The following ALCAM variants were observed in gnomAD, a reference collection of about 807,000 sequenced individuals.
ALCAM encodes the protein activated leukocyte cell adhesion molecule, also known as CD166 antigen.
A neutral mutation model predicts 70.9 loss-of-function variants in ALCAM; 30 were observed. That is an observed-to-expected ratio of 0.42 (90% CI 0.32 to 0.57). The LOEUF (loss-of-function observed/expected upper bound fraction) is 0.57, where lower values mean the gene tolerates loss of function less well. Among genes scored for constraint, ALCAM ranks in the 20% least tolerant of loss-of-function variants. The probability of loss-of-function intolerance (pLI) is 0.11; values close to 1 mark genes in which losing one functional copy is unlikely to be tolerated. For missense variants in ALCAM, 591 were observed against 695.1 expected (o/e 0.85, Z 1.68); for synonymous variants, 249 against 242.5 (o/e 1.03, Z -0.25).
chr3:105,445,545 G>T (rs1434610800), intron 1 of ALCAM, among the ~76,000 whole-genome samples: 2 of 152,000 alleles, frequency 1.3e-5, no homozygotes, highest in Non-Finnish European at 2.9e-5. Context: ...AAAAAGAACA[G>T]ATCTGGAGGC....
Position 105,545,320 on chromosome 3 carries a change from T to C in ALCAM, c.1089T>C (p.Thr363=). The C allele has an allele frequency of 6.2e-7, 1 of 1,607,148 alleles. No individual in the cohort carries two copies. The highest frequency in any genetic ancestry group is 8.5e-7 in the Non-Finnish European group (1 of 1,174,720). Residue 363 remains threonine, a synonymous_variant, in exon 9 of 16, where the codon ACT becomes ACC. Transcript: ENST00000306107. The part of the protein sequence containing the change: ...SCTISASRNA[T]VVWMKDNIRL... ...CAATATCTGCTAGCAGGAATGCAACTGTGGTATGGATGAAAGTAAGTAATA... is the reference window on the plus strand; with the variant it reads ...CAATATCTGCTAGCAGGAATGCAACCGTGGTATGGATGAAAGTAAGTAATA...
chr3:105,367,301 C>A lies in ALCAM; in HGVS notation c.-108C>A. ...GGGACGGTGTGTCTGGGAGAAGACG[C>A]TGCCCCTGCGTCGGGACCCGCCAGC... On this transcript the variant is annotated 5_prime_UTR_variant, in exon 1 of 16. In the 5' UTR this introduces an upstream ATG that the reference lacks. Coordinates refer to ENST00000306107, the MANE Select transcript of ALCAM (RefSeq NM_001627.4). 2.8e-6 allele frequency: 3 copies of A among 1,072,994 alleles called. No individual in the cohort carries two copies. Among genetic ancestry groups the A allele is most frequent in the Non-Finnish European group, 4.2e-6 (3 of 720,260 alleles). The allele number at this position is 1,072,994 out of a possible 1,614,324, so 66.5% of individuals were successfully genotyped here.
chr3:105,491,176 T>C (rs1938575326), intron 1 of ALCAM, among the ~76,000 whole-genome samples: 1 of 152,212 alleles, frequency 6.6e-6, no homozygotes, highest in Non-Finnish European at 1.5e-5. Flanking sequence ...GAGCTGTACC[T>C]TGGCTCCCTT....
At chr3:105,464,394 A>G (rs921989254) in intron 1 of ALCAM, among the ~76,000 whole-genome samples, 1 of 151,268 alleles carries the variant, frequency 6.6e-6, no homozygotes, top group Non-Finnish European at 1.5e-5. Flanking sequence ...CTATTTAACA[A>G]AGACGTACAG....
intron 1 of ALCAM, among the ~76,000 whole-genome samples, chr3:105,463,459 G>A (rs1937632985): frequency 6.6e-6 from 1 of 151,462 alleles, no homozygotes; most frequent in Non-Finnish European, 1.5e-5. Context: ...CATAACTTTA[G>A]AGACAGAATT....
intron 1 of ALCAM, among the ~76,000 whole-genome samples, chr3:105,407,991 A>C (rs1199619765): frequency 6.6e-6 from 1 of 152,126 alleles, no homozygotes; most frequent in Non-Finnish European, 1.5e-5. Context: ...ATGCTTAAGA[A>C]TATACCTAAC....
At chr3:105,397,410 A>G (rs1325165661) in intron 1 of ALCAM, among the ~76,000 whole-genome samples, 1 of 152,058 alleles carries the variant, frequency 6.6e-6, no homozygotes, top group Non-Finnish European at 1.5e-5. Flanking sequence ...TGTTATGTTG[A>G]ATAACAAAAA....
chr3:105,396,916 C>T (rs1445542589), intron 1 of ALCAM, among the ~76,000 whole-genome samples: 1 of 152,034 alleles, frequency 6.6e-6, no homozygotes, highest in African/African-American at 2.4e-5. Context: ...AAAGTGTTAA[C>T]TATCTGTGGA....
intron 1 of ALCAM, among the ~76,000 whole-genome samples, chr3:105,518,752 A>T (rs764845616): frequency 6.6e-6 from 1 of 152,096 alleles, no homozygotes; most frequent in Non-Finnish European, 1.5e-5. Flanking sequence ...ATGAAAATGC[A>T]TTCTCACTTT....
chr3:105,473,464 T>C (rs11713535), intron 1 of ALCAM, among the ~76,000 whole-genome samples: 15,473 of 151,584 alleles, frequency 0.1, 994 homozygotes, highest in Middle Eastern at 0.17. Flanking sequence ...ACTATAACTC[T>C]CTTGTCCTTT....
intron 1 of ALCAM, among the ~76,000 whole-genome samples, chr3:105,402,213 T>C (rs968937769): frequency 1.3e-5 from 2 of 152,334 alleles, no homozygotes; most frequent in South Asian, 2.1e-4. Context: ...CAAATCTAGA[T>C]ACTTTGTCAT....
At chr3:105,475,661 T>C (rs941499944) in intron 1 of ALCAM, among the ~76,000 whole-genome samples, 1 of 151,992 alleles carries the variant, frequency 6.6e-6, no homozygotes, top group Non-Finnish European at 1.5e-5. Flanking sequence ...AAACATTTGA[T>C]TATTTGAATA....
chr3:105,455,366 C>T (rs547433657), intron 1 of ALCAM, among the ~76,000 whole-genome samples: 3 of 150,118 alleles, frequency 2.0e-5, no homozygotes, highest in South Asian at 2.1e-4. Flanking sequence ...GGTGTGAACC[C>T]GGGAGGCGGA....
At chr3:105,396,219 C>T (rs1470886299) in intron 1 of ALCAM, among the ~76,000 whole-genome samples, 1 of 151,946 alleles carries the variant, frequency 6.6e-6, no homozygotes, top group Non-Finnish European at 1.5e-5. Context: ...TTCAACAATT[C>T]AAGGATGTGG....
chr3:105,490,481 G>A (rs995503482), intron 1 of ALCAM, among the ~76,000 whole-genome samples: 1 of 152,146 alleles, frequency 6.6e-6, no homozygotes, highest in African/African-American at 2.4e-5. Flanking sequence ...TGTGTTCTAT[G>A]AGTCTTTATT....
intron 2 of ALCAM, 142 bp from the exon 3 acceptor site, chr3:105,524,147 G>T: frequency 2.8e-6 from 2 of 704,810 alleles, no homozygotes; most frequent in South Asian, 4.3e-5. Context: ...AAATATTTAC[G>T]TGAGACTTGT....
intron 1 of ALCAM, among the ~76,000 whole-genome samples, chr3:105,448,633 T>C (rs1345456869): frequency 1.3e-5 from 2 of 152,154 alleles, no homozygotes; most frequent in Admixed American, 6.5e-5. Flanking sequence ...TGTAAGAAAG[T>C]CACTGACACA....
intron 7 of ALCAM, 68 bp downstream of exon 7, chr3:105,540,170 T>G: frequency 6.7e-7 from 1 of 1,493,734 alleles, no homozygotes; most frequent in Non-Finnish European, 9.2e-7. Flanking sequence ...TCTACATGGA[T>G]AGATTAAGTG....
At chr3:105,465,814 A>G (rs1434325943) in intron 1 of ALCAM, among the ~76,000 whole-genome samples, 3 of 151,366 alleles carry the variant, frequency 2.0e-5, no homozygotes, top group East Asian at 1.9e-4. Context: ...ATCCTTCACA[A>G]AAGTATCTAT....
Sources: gnomAD v4.1 joint callset for allele counts (sites outside exome capture counted in the v4.1 genomes callset) on GRCh38, gnomAD v4.1.1 for gene constraint, MANE v1.5 for transcripts, NCBI Gene and HGNC (gene_info 2026-07-23, HGNC 2026-07-21) for gene names.